Variants in MBD5 observed in about 807,000 individuals in gnomAD.
The protein encoded by MBD5 is methyl-CpG-binding domain protein 5.
MBD5 carries 13 observed loss-of-function variants against 117.3 expected under a neutral mutation model. The observed-to-expected ratio is 0.11, with a 90% CI of 0.07 to 0.18. The LOEUF is 0.18. MBD5 is among the 10% of genes least tolerant of loss of function. The probability of loss-of-function intolerance (pLI) is 1.00; values close to 1 mark genes in which losing one functional copy is unlikely to be tolerated. For synonymous variants in MBD5, 727 were observed against 766.4 expected, an observed-to-expected ratio of 0.95 and a Z score of 0.85; for missense variants, 1,879 against 2,093.8, an observed-to-expected ratio of 0.90 and a Z score of 2.00.
At chr2:148,349,841 A>G (rs1486307738) in intron 4 of MBD5, among the ~76,000 whole-genome samples, 1 of 152,008 alleles carries the variant, frequency 6.6e-6, no homozygotes, top group East Asian at 1.9e-4. Flanking sequence ...CACACCTAAC[A>G]TAGTAGAACA....
chr2:148,439,115 A>G (rs1398268052), intron 4 of MBD5, among the ~76,000 whole-genome samples: 2 of 152,194 alleles, frequency 1.3e-5, no homozygotes, highest in East Asian at 3.8e-4. Flanking sequence ...TGATCCAACT[A>G]TCTGACGTAC....
intron 1 of MBD5, among the ~76,000 whole-genome samples, chr2:148,093,153 C>A (rs1182873855): frequency 6.6e-6 from 1 of 152,140 alleles, no homozygotes; most frequent in Non-Finnish European, 1.5e-5. Context: ...TCAAGTGATT[C>A]ACCCACCTTG....
intron 4 of MBD5, among the ~76,000 whole-genome samples, chr2:148,405,657 T>C (rs1053977534): frequency 1.3e-5 from 2 of 152,228 alleles, no homozygotes; most frequent in African/African-American, 2.4e-5. Flanking sequence ...ATTATGTACC[T>C]TGCCTTTTAC....
intron 1 of MBD5, among the ~76,000 whole-genome samples, chr2:148,090,968 A>C (rs1695926287): frequency 6.6e-6 from 1 of 152,184 alleles, no homozygotes; most frequent in Non-Finnish European, 1.5e-5. Flanking sequence ...AAATGAATTC[A>C]GTAATGTCTC....
intron 3 of MBD5, among the ~76,000 whole-genome samples, chr2:148,246,344 T>G (rs1700336848): frequency 2.0e-5 from 3 of 152,216 alleles, no homozygotes; most frequent in Admixed American, 2.0e-4. Context: ...AAAATGCACA[T>G]GCAACCTTAG....
intron 2 of MBD5, among the ~76,000 whole-genome samples, chr2:148,227,746 G>T (rs927120261): frequency 6.6e-6 from 1 of 152,148 alleles, no homozygotes; most frequent in African/African-American, 2.4e-5. Flanking sequence ...CTACCCATGA[G>T]CATGGAATGT....
At chr2:148,496,146 C>T (rs982831560) in intron 11 of MBD5, among the ~76,000 whole-genome samples, 4 of 152,304 alleles carry the variant, frequency 2.6e-5, no homozygotes, top group Non-Finnish European at 5.9e-5. Flanking sequence ...GAATCCTTTT[C>T]TCTCTACCAT....
At chr2:148,365,012 C>A (rs562514865) in intron 4 of MBD5, among the ~76,000 whole-genome samples, 10 of 152,160 alleles carry the variant, frequency 6.6e-5, no homozygotes, top group African/African-American at 2.4e-4. Context: ...CAGAACTCTC[C>A]ACCCCAAATC....
At chr2:148,138,575 C>G (rs1427079427) in intron 1 of MBD5, among the ~76,000 whole-genome samples, 1 of 152,100 alleles carries the variant, frequency 6.6e-6, no homozygotes, top group Non-Finnish European at 1.5e-5. Flanking sequence ...TTATAGGAAT[C>G]ATTATAGAAC....
intron 4 of MBD5, among the ~76,000 whole-genome samples, chr2:148,381,462 A>T (rs1037708545): frequency 6.6e-6 from 1 of 152,220 alleles, no homozygotes; most frequent in African/African-American, 2.4e-5. Flanking sequence ...ACAATGTGAA[A>T]AGACCAAATC....
intron 11 of MBD5, among the ~76,000 whole-genome samples, chr2:148,500,927 A>G (rs1470972921): frequency 1.3e-5 from 2 of 152,178 alleles, no homozygotes; most frequent in Admixed American, 6.5e-5. Context: ...TAAACAACAC[A>G]TGGATACATT....
intron 11 of MBD5, among the ~76,000 whole-genome samples, chr2:148,497,371 T>C (rs1270894084): frequency 6.6e-6 from 1 of 152,102 alleles, no homozygotes; most frequent in African/African-American, 2.4e-5. Context: ...TGTAAACTTA[T>C]ATGAATAATA....
At chr2:148,340,775 C>A (rs1054671878) in intron 3 of MBD5, among the ~76,000 whole-genome samples, 7 of 151,368 alleles carry the variant, frequency 4.6e-5, no homozygotes, top group African/African-American at 1.5e-4. Flanking sequence ...GAGTAATATG[C>A]TCCATGAAGG....
chr2:148,038,460 A>G (rs1694257520), intron 1 of MBD5, among the ~76,000 whole-genome samples: 1 of 151,026 alleles, frequency 6.6e-6, no homozygotes, highest in Non-Finnish European at 1.5e-5. Context: ...TTTTCTCGGT[A>G]AAGAAGGTTG....
chr2:148,050,676 G>T (rs981774906), intron 1 of MBD5, among the ~76,000 whole-genome samples: 1 of 152,008 alleles, frequency 6.6e-6, no homozygotes, highest in African/African-American at 2.4e-5. Context: ...TCCCCCCATT[G>T]AATTGCCCTA....
intron 3 of MBD5, among the ~76,000 whole-genome samples, chr2:148,323,073 C>T (rs1702331954): frequency 6.6e-6 from 1 of 151,272 alleles, no homozygotes; most frequent in African/African-American, 2.4e-5. Flanking sequence ...ACAATTCCCA[C>T]CTAGGAATGA....
At chr2:148,068,706 T>C (rs905592460) in intron 1 of MBD5, 1 of 152,222 alleles carries the variant, frequency 6.6e-6, no homozygotes, top group South Asian at 2.1e-4. Flanking sequence ...TTTTATGTTT[T>C]AGAGACTATC....
intron 2 of MBD5, among the ~76,000 whole-genome samples, chr2:148,196,654 G>A (rs1698996435): frequency 6.6e-6 from 1 of 152,128 alleles, no homozygotes; most frequent in South Asian, 2.1e-4. Flanking sequence ...TTTATGAAAT[G>A]CAAGAATGTA....
intron 4 of MBD5, among the ~76,000 whole-genome samples, chr2:148,407,370 T>TGTTTG (rs1705115071): frequency 1.4e-5 from 2 of 138,744 alleles, no homozygotes; most frequent in South Asian, 4.5e-4. Context: ...GTGTGTGTGT[T>TGTTTG]TGTGTGTGTG....
Sources: allele counts gnomAD v4.1 joint callset (sites outside exome capture counted in the v4.1 genomes callset), GRCh38; gene constraint gnomAD v4.1.1; transcripts MANE v1.5; gene names NCBI Gene and HGNC (gene_info 2026-07-23, HGNC 2026-07-21).